The following MXD4 variants were observed in gnomAD, a reference collection of about 807,000 sequenced individuals.
The protein encoded by MXD4 is MAX dimerization protein 4.
MXD4 carries 16 observed loss-of-function variants against 24.5 expected under a neutral mutation model. The observed-to-expected ratio is 0.65, with a 90% CI of 0.44 to 0.99. MXD4 has a LOEUF of 0.99. Among genes scored for constraint, MXD4 ranks in the 50% least tolerant of loss-of-function variants. The pLI is 0.00. For missense variants in MXD4, 301 were observed against 301.5 expected, an observed-to-expected ratio of 1.00 and a Z score of 0.01; for synonymous variants, 164 against 134.2, an observed-to-expected ratio of 1.22 and a Z score of -1.54.
Position 2,260,852 on chromosome 4 carries a change from C to T in MXD4, c.164+873G>A, listed in dbSNP as rs553774602. Among the ~76,000 whole-genome samples the T allele has an allele frequency of 1.9e-4, 29 of 152,316 alleles. 1 individual carries two copies. In the South Asian group the frequency reaches 5.8e-3, roughly 30 times the overall value. ...CACAAAAGGGCTGGGCCAAGGTGGGCCCAGACAGGACCAGGTGTGCTATGG... is the reference window on the plus strand; with the variant it reads ...CACAAAAGGGCTGGGCCAAGGTGGGTCCAGACAGGACCAGGTGTGCTATGG... On this transcript the variant is annotated intron_variant, in intron 2 of 5. Transcript: ENST00000337190.
chr4:2,251,408 A>G (rs1462291840), intron 4 of MXD4, among the ~76,000 whole-genome samples, 162 bp from the exon 5 acceptor site: 2 of 152,110 alleles, frequency 1.3e-5, no homozygotes, highest in Non-Finnish European at 1.5e-5. Context: ...TGCCAGCCCC[A>G]CAGCCTGAGG....
chr4:2,260,567 G>A (rs561832426), intron 2 of MXD4: 2 of 455,638 alleles, frequency 4.4e-6, no homozygotes, highest in Admixed American at 2.4e-5. Flanking sequence ...TGCTCACTGA[G>A]GAGGCCTGAG....
Position 2,249,881 on chromosome 4 carries a change from CGT to C in MXD4, c.*661_*662del, listed in dbSNP as rs1216406227. The C allele has an allele frequency of 6.5e-6, 1 of 153,306 alleles. No homozygotes were observed. Among genetic ancestry groups the C allele is most frequent in the African/African-American group, 2.4e-5 (1 of 41,466 alleles). The allele number at this position is 153,306 out of a possible 1,614,324, so 9.5% of individuals were successfully genotyped here. On this transcript the variant is annotated 3_prime_UTR_variant, in exon 6 of 6. Transcript: ENST00000337190. ...GAGTGGGTGTGTCTAGGTGCGTGCG[CGT>C]GTGCGTCTGACAGTCCTACCAGAGC... is the stretch of plus-strand genomic sequence containing the variant.
At chr4:2,257,131 G>A (rs979143090) in intron 3 of MXD4, among the ~76,000 whole-genome samples, 1 of 152,212 alleles carries the variant, frequency 6.6e-6, no homozygotes, top group Admixed American at 6.5e-5. Flanking sequence ...CCGGGAGAAC[G>A]GAAGTTGGTG....
chr4:2,260,544 C>T (rs1045090325), intron 2 of MXD4: 5 of 455,640 alleles, frequency 1.1e-5, no homozygotes, highest in African/African-American at 6.0e-5. Context: ...GAAGCGGCAG[C>T]GGGGGCCGGG....
At chr4:2,257,902 C>T in intron 3 of MXD4, 80 bp downstream of exon 3, 1 of 1,576,472 alleles carries the variant, frequency 6.3e-7, no homozygotes, top group Non-Finnish European at 8.7e-7. Context: ...GGGACAGGGG[C>T]AGGCTCAACG....
Position 2,250,271 on chromosome 4 carries a change from A to C in MXD4, c.*273T>G, listed in dbSNP as rs1735289586. 1.9e-6 allele frequency: 1 copy of C among 538,768 alleles called. No homozygotes were observed. The highest frequency in any genetic ancestry group is 3.3e-6 in the Non-Finnish European group (1 of 302,944). The allele number at this position is 538,768 out of a possible 1,614,324, so 33.4% of individuals were successfully genotyped here. ...TACTTCTGGAATGATTAGGAATCTG[A>C]GAACAGACCGTGGGCGGCTATGCTG... On this transcript the variant is annotated 3_prime_UTR_variant, in exon 6 of 6. Transcript: ENST00000337190.
At chr4:2,259,039 C>T (rs927022632) in intron 2 of MXD4, 12 of 447,316 alleles carry the variant, frequency 2.7e-5, no homozygotes, top group East Asian at 1.4e-4. Flanking sequence ...CCAGGGCTCC[C>T]GGGCCTCCCA....
Position 2,248,789 on chromosome 4 carries a change from A to G in MXD4, c.*1755T>C, listed in dbSNP as rs1560111390. The G allele has an allele frequency of 2.6e-5, 4 of 152,200 alleles. No homozygotes were observed. The South Asian group carries it at 8.3e-4, about 32-fold the overall frequency. 9.4% of individuals were successfully genotyped at this position (152,200 alleles called of 1,614,324 possible). ...TGCGTACGACTGAAAATAGACACGA[A>G]TTTTCCCCATGATATGGGAATTGGC... On this transcript the variant is annotated 3_prime_UTR_variant, in exon 6 of 6. Transcript: ENST00000337190.
chr4:2,262,092 C>G lies in MXD4; in HGVS notation c.-112G>C. The G allele has an allele frequency of 4.5e-6, 2 of 447,880 alleles. No homozygotes were observed. Among genetic ancestry groups the G allele is most frequent in the Non-Finnish European group, 5.9e-6 (2 of 338,376 alleles). 27.7% of individuals were successfully genotyped at this position (447,880 alleles called of 1,614,324 possible). A position where few individuals can be genotyped will look rare whatever the true frequency, so the allele number is the denominator to read the frequency against. ...CGCCCGGCCGCCGCACTTCCAGACT[C>G]CGCGGACTCCGGCGCTCGGCCGCCA... On this transcript the variant is annotated 5_prime_UTR_variant, in exon 1 of 6. Coordinates refer to ENST00000337190, the MANE Select transcript of MXD4 (RefSeq NM_006454.3).
intron 2 of MXD4, among the ~76,000 whole-genome samples, chr4:2,261,005 T>C (rs1735528902): frequency 6.6e-6 from 1 of 152,186 alleles, no homozygotes; most frequent in South Asian, 2.1e-4. Flanking sequence ...GGTCAAGGTA[T>C]GGAGGGCGCA....
chr4:2,257,839 T>G (rs936666794), intron 3 of MXD4, 143 bp downstream of exon 3: 2 of 1,097,988 alleles, frequency 1.8e-6, no homozygotes, highest in African/African-American at 3.1e-5. Context: ...CTCCTCCAAG[T>G]CTGACCATTC....
chr4:2,252,570 G>A (rs1317744645), intron 3 of MXD4, 48 bp from the exon 4 acceptor site: 1 of 1,401,582 alleles, frequency 7.1e-7, no homozygotes, highest in Non-Finnish European at 9.9e-7. Context: ...GGGGAGGGCA[G>A]CAGGCAGTTT....
intron 3 of MXD4, chr4:2,253,912 C>T (rs1031644556): frequency 1.3e-5 from 2 of 152,284 alleles, no homozygotes; most frequent in African/African-American, 2.4e-5. Context: ...CCTGGAAGCT[C>T]AGCCTCCCCA....
chr4:2,252,872 G>A (rs1251344367), intron 3 of MXD4: 3 of 183,892 alleles, frequency 1.6e-5, no homozygotes, highest in South Asian at 5.7e-5. Flanking sequence ...GGGGTGAGGC[G>A]AGGGTGCCTT....
At chr4:2,256,890 C>T (rs1354873037) in intron 3 of MXD4, among the ~76,000 whole-genome samples, 2 of 152,146 alleles carry the variant, frequency 1.3e-5, no homozygotes, top group Non-Finnish European at 2.9e-5. Flanking sequence ...CCCTGAACAC[C>T]CCCACGTGCC....
chr4:2,258,427 C>A (rs537987150), intron 2 of MXD4, among the ~76,000 whole-genome samples: 1 of 152,102 alleles, frequency 6.6e-6, no homozygotes, highest in Non-Finnish European at 1.5e-5. Flanking sequence ...GGACCTAGGC[C>A]CCCTTCCAGA....
In MXD4 at chr4:2,261,715, G is replaced by A; in HGVS notation, c.164+10C>T. On this transcript the variant is annotated intron_variant, in intron 2 of 5. Coordinates refer to ENST00000337190, the MANE Select transcript of MXD4 (RefSeq NM_006454.3). ...CCGGGCCGGGCGGGGTCGGGAGCGG[G>A]GGGCGGTACCTGTTGTTCGGGGCCT... The A allele has an allele frequency of 7.4e-7, 1 of 1,354,850 alleles. No homozygotes were observed. The highest frequency in any genetic ancestry group is 9.6e-7 in the Non-Finnish European group (1 of 1,043,188). The allele number at this position is 1,354,850 out of a possible 1,614,324, so 83.9% of individuals were successfully genotyped here.
At chr4:2,256,716 G>A (rs1339909827) in intron 3 of MXD4, among the ~76,000 whole-genome samples, 3 of 152,300 alleles carry the variant, frequency 2.0e-5, no homozygotes, top group Non-Finnish European at 1.5e-5. Flanking sequence ...GCCTCTGGGA[G>A]GAGAGGACAG....
Sources: gnomAD v4.1 joint callset for allele counts (sites outside exome capture counted in the v4.1 genomes callset) on GRCh38, gnomAD v4.1.1 for gene constraint, MANE v1.5 for transcripts, NCBI Gene and HGNC (gene_info 2026-07-23, HGNC 2026-07-21) for gene names.